The following TRPM3 variants were observed in gnomAD, a reference collection of about 807,000 sequenced individuals.
TRPM3 encodes the protein transient receptor potential cation channel subfamily M member 3, also known as long transient receptor potential channel 3.
A neutral mutation model predicts 181.2 loss-of-function variants in TRPM3; 77 were observed. The ratio of observed to expected loss-of-function variants is 0.42; its 90% CI spans 0.35 to 0.51. The LOEUF (loss-of-function observed/expected upper bound fraction) is 0.51, where lower values mean the gene tolerates loss of function less well. TRPM3 is among the 20% of genes least tolerant of loss of function. The probability of loss-of-function intolerance (pLI) is 0.01; values close to 1 mark genes in which losing one functional copy is unlikely to be tolerated. For synonymous variants in TRPM3, 745 were observed against 796.4 expected (o/e 0.94, Z 1.09); for missense variants, 1,759 against 2,196.7 (o/e 0.80, Z 3.98).
At chr9:70,769,971 G>A (rs1257446188) in intron 7 of TRPM3, among the ~76,000 whole-genome samples, 1 of 152,148 alleles carries the variant, frequency 6.6e-6, no homozygotes, top group African/African-American at 2.4e-5. Context: ...AAGCCTATTT[G>A]GGAGAATGGG....
intron 1 of TRPM3, among the ~76,000 whole-genome samples, chr9:71,394,681 C>T (rs2093147919): frequency 6.6e-6 from 1 of 152,180 alleles, no homozygotes; most frequent in African/African-American, 2.4e-5. Context: ...GCCTATGTCA[C>T]ACAATCTTTT....
intron 1 of TRPM3, among the ~76,000 whole-genome samples, chr9:70,985,082 C>T (rs1309447275): frequency 6.6e-6 from 1 of 152,108 alleles, no homozygotes; most frequent in Non-Finnish European, 1.5e-5. Context: ...AGTAAAAGAA[C>T]ATGAGATCAC....
chr9:71,168,578 GTT>G (rs1248703820), intron 1 of TRPM3, among the ~76,000 whole-genome samples: 1 of 43,258 alleles, frequency 2.3e-5, no homozygotes, highest in African/African-American at 1.1e-4. Context: ...ATTTATTTTT[GTT>G]TTTTATTTTT....
At chr9:70,786,472 T>A (rs1258891661) in intron 6 of TRPM3, among the ~76,000 whole-genome samples, 1 of 151,714 alleles carries the variant, frequency 6.6e-6, no homozygotes, top group Non-Finnish European at 1.5e-5. Flanking sequence ...GCAGCAAGAG[T>A]GAAACTCCAT....
At chr9:71,193,567 C>T (rs938799802) in intron 1 of TRPM3, among the ~76,000 whole-genome samples, 1 of 151,900 alleles carries the variant, frequency 6.6e-6, no homozygotes, top group African/African-American at 2.4e-5. Context: ...ATATCTCCAA[C>T]CCTCAACTTT....
intron 1 of TRPM3, among the ~76,000 whole-genome samples, chr9:71,053,409 A>C (rs2060287343): frequency 6.6e-6 from 1 of 152,064 alleles, no homozygotes; most frequent in Admixed American, 6.6e-5. Flanking sequence ...CAGAAATGAA[A>C]AGGTATATTA....
At chr9:71,082,659 G>A (rs371606377) in intron 1 of TRPM3, among the ~76,000 whole-genome samples, 221 of 152,214 alleles carry the variant, frequency 1.5e-3, no homozygotes, top group African/African-American at 4.2e-3. Context: ...TGATCCTATC[G>A]TTAGTGGACT....
Position 71,084,879 on chromosome 9 carries a change from T to C in TRPM3, c.177+36299A>G, listed in dbSNP as rs569998626. Among the ~76,000 whole-genome samples, 4 of 152,154 alleles carry C rather than the reference T, an allele frequency of 2.6e-5. No individual in the cohort carries two copies. In the South Asian group the frequency reaches 8.3e-4, roughly 32 times the overall value. ...CATCACGTTACCCAACTTCAAACTA[T>C]GCTGCAAGTCTATAGTAACCAAAAC... On this transcript the variant is annotated intron_variant, in intron 1 of 25. Coordinates refer to ENST00000677713, the MANE Select transcript of TRPM3 (RefSeq NM_001366145.2).
chr9:70,578,328 T>C (rs994915290), intron 22 of TRPM3, among the ~76,000 whole-genome samples: 1 of 149,928 alleles, frequency 6.7e-6, no homozygotes, highest in Admixed American at 6.6e-5. Context: ...AAGACTGGTG[T>C]CTCTCTTAGA....
chr9:70,976,253 CA>C (rs1456931308), intron 1 of TRPM3, among the ~76,000 whole-genome samples: 1 of 152,146 alleles, frequency 6.6e-6, no homozygotes, highest in Non-Finnish European at 1.5e-5. Flanking sequence ...TCTCATGAGC[CA>C]AAACCTCAGG....
intron 10 of TRPM3, among the ~76,000 whole-genome samples, chr9:70,639,949 T>G (rs1211668833): frequency 6.6e-6 from 1 of 152,180 alleles, no homozygotes; most frequent in Non-Finnish European, 1.5e-5. Flanking sequence ...GAAACCGAGT[T>G]TCAGGCTGCT....
In TRPM3 at chr9:70,625,488, A is replaced by C; in HGVS notation, c.1662T>G (p.Tyr554Ter). 1 of 1,612,294 alleles carries C rather than the reference A, an allele frequency of 6.2e-7. No individual in the cohort carries two copies. Among genetic ancestry groups the C allele is most frequent in the South Asian group, 1.1e-5 (1 of 90,336 alleles). The change falls in exon 13 of 26, where the codon TAT becomes TAG. Residue 554 changes from tyrosine (Y) to a stop codon, truncating the protein, a stop_gained. Transcript: ENST00000677713. LOFTEE classifies it high-confidence loss of function. The surrounding 1 kb of genome is among the most constrained non-coding windows in gnomAD (Gnocchi z 4.8). ...TGCTGGTTAATTAATTCACCTTAAA[A>C]TAGATCCAACCGAAACCTGGATACT... ...KREYPGFGWI[Y>*]FKGNLPPDYR...
intron 1 of TRPM3, among the ~76,000 whole-genome samples, chr9:71,212,752 A>G (rs552204756): frequency 6.6e-6 from 1 of 152,334 alleles, no homozygotes; most frequent in African/African-American, 2.4e-5. Context: ...TTAAAGAAAA[A>G]GGGCTGAAAG....
intron 11 of TRPM3, among the ~76,000 whole-genome samples, chr9:70,638,570 A>C (rs1011197600): frequency 6.6e-6 from 1 of 151,214 alleles, no homozygotes; most frequent in Non-Finnish European, 1.5e-5. Context: ...AAAACAAAAC[A>C]AAACCAAAAT....
intron 1 of TRPM3, among the ~76,000 whole-genome samples, chr9:71,172,291 G>A (rs1490909510): frequency 6.6e-6 from 1 of 152,134 alleles, no homozygotes; most frequent in Non-Finnish European, 1.5e-5. Context: ...TTGGGAGAGG[G>A]AAGATCTCAT....
intron 1 of TRPM3, among the ~76,000 whole-genome samples, chr9:71,356,852 A>G (rs2091917598): frequency 1.3e-5 from 2 of 152,058 alleles, no homozygotes; most frequent in Admixed American, 6.6e-5. Context: ...CCATGACATA[A>G]TAATATTGTT....
At chr9:71,034,444 T>C (rs2057929249) in intron 1 of TRPM3, among the ~76,000 whole-genome samples, 1 of 152,152 alleles carries the variant, frequency 6.6e-6, no homozygotes, top group Non-Finnish European at 1.5e-5. Flanking sequence ...CAATTTTAGG[T>C]GATCCTATAC....
chr9:70,691,125 A>G (rs1290007723), intron 8 of TRPM3, among the ~76,000 whole-genome samples: 3 of 152,234 alleles, frequency 2.0e-5, no homozygotes, highest in Admixed American at 1.3e-4. Flanking sequence ...TAGAAAATTA[A>G]TATCAGATAA....
At chr9:71,375,980 AC>A (rs1260274106) in intron 1 of TRPM3, among the ~76,000 whole-genome samples, 2 of 152,166 alleles carry the variant, frequency 1.3e-5, no homozygotes, top group Non-Finnish European at 2.9e-5. Context: ...GTAGTCTGGA[AC>A]CGAACCTACA....
Sources: gnomAD v4.1 joint callset for allele counts (sites outside exome capture counted in the v4.1 genomes callset) on GRCh38, gnomAD v4.1.1 for gene constraint, Gnocchi (gnomAD v3.1) non-coding constraint, MANE v1.5 for transcripts, NCBI Gene and HGNC (gene_info 2026-07-23, HGNC 2026-07-21) for gene names.